Variants in ADGRB3 observed in about 807,000 individuals in gnomAD.
ADGRB3 encodes adhesion G protein-coupled receptor B3, also known as brain-specific angiogenesis inhibitor 3.
ADGRB3 carries 37 observed loss-of-function variants against 193.4 expected under a neutral mutation model. The ratio of observed to expected loss-of-function variants is 0.19; its 90% CI spans 0.15 to 0.25. The LOEUF (loss-of-function observed/expected upper bound fraction) is 0.25. Ranked by LOEUF, ADGRB3 falls within the 10% of genes least tolerant of loss-of-function variation. The probability of loss-of-function intolerance (pLI) is 1.00; values close to 1 mark genes in which losing one functional copy is unlikely to be tolerated. For missense variants in ADGRB3, 1,637 were observed against 1,852.9 expected, an observed-to-expected ratio of 0.88 and a Z score of 2.14; for synonymous variants, 690 against 644.2, an observed-to-expected ratio of 1.07 and a Z score of -1.08.
chr6:68,724,823 C>T (rs1765645534), intron 3 of ADGRB3, among the ~76,000 whole-genome samples: 1 of 151,496 alleles, frequency 6.6e-6, no homozygotes, highest in African/African-American at 2.4e-5. Flanking sequence ...TGTGTTGGGG[C>T]ACTGGGAATA....
At chr6:68,981,608 A>G (rs1269293093) in intron 10 of ADGRB3, among the ~76,000 whole-genome samples, 1 of 151,578 alleles carries the variant, frequency 6.6e-6, no homozygotes, top group Non-Finnish European at 1.5e-5. Context: ...TTTACATGCC[A>G]TATGGCTTAT....
intron 20 of ADGRB3, among the ~76,000 whole-genome samples, chr6:69,300,062 A>G (rs560439110): frequency 1.3e-5 from 2 of 152,004 alleles, no homozygotes; most frequent in African/African-American, 4.8e-5. Flanking sequence ...CTATAGATGC[A>G]AAAGTTCTCA....
At chr6:69,278,795 G>T (rs2127283840) in intron 20 of ADGRB3, among the ~76,000 whole-genome samples, 1 of 151,786 alleles carries the variant, frequency 6.6e-6, no homozygotes, top group Non-Finnish European at 1.5e-5. Context: ...TCTGTAAATT[G>T]GGAGTAATAA....
chr6:68,759,885 GT>G (rs1405255696), intron 3 of ADGRB3, among the ~76,000 whole-genome samples: 1 of 151,990 alleles, frequency 6.6e-6, no homozygotes, highest in African/African-American at 2.4e-5. Flanking sequence ...ACCATATATT[GT>G]AAAATTTGAC....
chr6:68,723,366 G>C (rs989895956), intron 3 of ADGRB3, among the ~76,000 whole-genome samples: 11 of 151,634 alleles, frequency 7.3e-5, no homozygotes, highest in African/African-American at 2.7e-4. Flanking sequence ...GCCAATGTGG[G>C]AGACAATTGA....
intron 1 of ADGRB3, among the ~76,000 whole-genome samples, chr6:68,636,810 C>A (rs1490133945): frequency 6.6e-6 from 1 of 152,074 alleles, no homozygotes; most frequent in Non-Finnish European, 1.5e-5. Context: ...GACATACGAC[C>A]TCTTTTTGAG....
intron 4 of ADGRB3, among the ~76,000 whole-genome samples, chr6:68,931,778 T>G (rs887864447): frequency 2.6e-5 from 4 of 152,138 alleles, no homozygotes; most frequent in Admixed American, 6.6e-5. Context: ...AGTAGAAGAT[T>G]TTGATACATT....
intron 3 of ADGRB3, among the ~76,000 whole-genome samples, chr6:68,812,810 G>A (rs1007661668): frequency 4.6e-5 from 7 of 151,822 alleles, no homozygotes; most frequent in Non-Finnish European, 4.4e-5. Flanking sequence ...TTCTCCTAAT[G>A]CTATCCCTCC....
intron 29 of ADGRB3, among the ~76,000 whole-genome samples, chr6:69,372,070 C>G (rs895015612): frequency 6.6e-6 from 1 of 152,024 alleles, no homozygotes; most frequent in African/African-American, 2.4e-5. Context: ...CCTAAAGTCT[C>G]TTTCAAGATT....
intron 3 of ADGRB3, among the ~76,000 whole-genome samples, chr6:68,770,142 C>T (rs547350248): frequency 1.3e-5 from 2 of 152,078 alleles, no homozygotes; most frequent in Non-Finnish European, 2.9e-5. Context: ...TTCTGATACT[C>T]CATTCTCAGT....
intron 3 of ADGRB3, among the ~76,000 whole-genome samples, chr6:68,646,496 A>G (rs1218354090): frequency 6.6e-6 from 1 of 151,420 alleles, no homozygotes; most frequent in East Asian, 1.9e-4. Flanking sequence ...AAAAAAAAGA[A>G]AAAAGAAAAA....
At chr6:68,922,335 A>G (rs10945147) in intron 3 of ADGRB3, among the ~76,000 whole-genome samples, 116,732 of 152,164 alleles carry the variant, frequency 0.77, 46,257 homozygotes, top group Non-Finnish European at 0.88. Context: ...GATGCCAGCT[A>G]CAGCATAGAT....
At chr6:68,649,375 C>A (rs561428035) in intron 3 of ADGRB3, among the ~76,000 whole-genome samples, 2 of 152,258 alleles carry the variant, frequency 1.3e-5, no homozygotes, top group Admixed American at 1.3e-4. Context: ...GTCTAATTGA[C>A]TGTCTAAATG....
intron 13 of ADGRB3, among the ~76,000 whole-genome samples, chr6:69,022,393 AT>A (rs1488568376): frequency 6.6e-6 from 1 of 151,752 alleles, no homozygotes; most frequent in Non-Finnish European, 1.5e-5. Context: ...TTAAAAAGTT[AT>A]TTTTTCAACA....
At chr6:68,738,728 G>A (rs59384052) in intron 3 of ADGRB3, among the ~76,000 whole-genome samples, 4,915 of 152,206 alleles carry the variant, frequency 0.032, 141 homozygotes, top group African/African-American at 0.073. Context: ...AAATTTTGCA[G>A]GAAGATTACT....
At chr6:68,642,695 T>C (rs2127276135) in intron 3 of ADGRB3, among the ~76,000 whole-genome samples, 1 of 151,780 alleles carries the variant, frequency 6.6e-6, no homozygotes, top group African/African-American at 2.4e-5. Context: ...TTATATGAAA[T>C]TGTGAAAGCC....
intron 3 of ADGRB3, among the ~76,000 whole-genome samples, chr6:68,764,552 T>C (rs1264552119): frequency 6.6e-6 from 1 of 151,938 alleles, no homozygotes; most frequent in Non-Finnish European, 1.5e-5. Context: ...AAAGACCGGA[T>C]TATCAAGAGG....
Position 69,172,643 on chromosome 6 carries a change from C to CAAA in ADGRB3, c.2481-60620_2481-60618dup, listed in dbSNP as rs70987454. On this transcript the variant is annotated intron_variant, in intron 17 of 31. Transcript: ENST00000370598. ...TGGGCGACAGAGCGAGACTCTGTCT[C>CAAA]AAAAAAAAAAAAAAAAAAAAAAAAA... 5.9e-3 allele frequency among the ~76,000 whole-genome samples: 158 copies of CAAA among 26,816 alleles called. 9 individuals carry two copies. Among genetic ancestry groups the CAAA allele is most frequent in the Middle Eastern group, 0.036 (1 of 28 alleles). The allele number at this position is 26,816 out of a possible 152,430, so 17.6% of individuals were successfully genotyped here.
chr6:69,078,645 C>T (rs1474597955), intron 17 of ADGRB3, among the ~76,000 whole-genome samples: 1 of 151,974 alleles, frequency 6.6e-6, no homozygotes, highest in Non-Finnish European at 1.5e-5. Flanking sequence ...ATTTTAGTCT[C>T]TAAACTGTGC....
Sources: allele counts gnomAD v4.1 joint callset (sites outside exome capture counted in the v4.1 genomes callset), GRCh38; gene constraint gnomAD v4.1.1; transcripts MANE v1.5; gene names NCBI Gene and HGNC (gene_info 2026-07-23, HGNC 2026-07-21).